PTPRD: variants seen among roughly 807,000 people sequenced by gnomAD.
PTPRD encodes the protein receptor-type tyrosine-protein phosphatase delta.
PTPRD carries 34 observed loss-of-function variants against 214.5 expected under a neutral mutation model. The observed-to-expected ratio is 0.16, with a 90% CI of 0.12 to 0.21. The LOEUF (loss-of-function observed/expected upper bound fraction) is 0.21, where lower values mean the gene tolerates loss of function less well. Among genes scored for constraint, PTPRD ranks in the 10% least tolerant of loss-of-function variants. The pLI is 1.00. For missense variants in PTPRD, 2,545 were observed against 2,398.7 expected (o/e 1.06, Z -1.27); for synonymous variants, 1,128 against 845.7 (o/e 1.33, Z -5.79).
At chr9:8,555,294 C>T (rs1406637244) in intron 14 of PTPRD, among the ~76,000 whole-genome samples, 1 of 152,132 alleles carries the variant, frequency 6.6e-6, no homozygotes, top group Non-Finnish European at 1.5e-5. Flanking sequence ...GTGGTCCCAG[C>T]TACTCAGGAG....
intron 12 of PTPRD, among the ~76,000 whole-genome samples, chr9:8,711,071 T>C (rs931502009): frequency 4.6e-5 from 7 of 152,144 alleles, no homozygotes; most frequent in African/African-American, 1.7e-4. Flanking sequence ...GTCCAATTTA[T>C]AGTAACATTT....
At chr9:9,966,405 T>C (rs1228716747) in intron 4 of PTPRD, among the ~76,000 whole-genome samples, 1 of 152,158 alleles carries the variant, frequency 6.6e-6, no homozygotes, top group Non-Finnish European at 1.5e-5. Flanking sequence ...AAACTGTTTC[T>C]AAGGTAGGCG....
At chr9:10,210,156 G>C (rs1275628272) in intron 3 of PTPRD, among the ~76,000 whole-genome samples, 1 of 152,088 alleles carries the variant, frequency 6.6e-6, no homozygotes, top group Non-Finnish European at 1.5e-5. Flanking sequence ...CTTTATGCCA[G>C]CTATTAAAAT....
At chr9:9,606,801 C>T (rs553480178) in intron 7 of PTPRD, among the ~76,000 whole-genome samples, 1 of 151,346 alleles carries the variant, frequency 6.6e-6, no homozygotes, top group African/African-American at 2.4e-5. Flanking sequence ...TTTCTTAGCA[C>T]CTAAGACAAT....
intron 5 of PTPRD, among the ~76,000 whole-genome samples, chr9:9,868,708 T>TAATAATATA (rs1308045580): frequency 1.3e-4 from 19 of 149,060 alleles, no homozygotes; most frequent in Admixed American, 1.2e-3. Flanking sequence ...AGGAATATCC[T>TAATAATATA]AATAATATAC....
At chr9:9,668,547 C>A (rs542528559) in intron 7 of PTPRD, among the ~76,000 whole-genome samples, 1 of 151,970 alleles carries the variant, frequency 6.6e-6, no homozygotes, top group East Asian at 1.9e-4. Flanking sequence ...TTTTTTTTCC[C>A]ACTGAAATTA....
chr9:8,527,312 G>A (rs1429127517), intron 16 of PTPRD, 33 bp downstream of exon 16: 2 of 1,597,502 alleles, frequency 1.3e-6, no homozygotes, highest in Non-Finnish European at 1.7e-6. Context: ...GAAATTAGTG[G>A]GGTTGAAGTG....
At chr9:10,118,895 TA>T (rs869121861) in intron 3 of PTPRD, among the ~76,000 whole-genome samples, 6 of 139,170 alleles carry the variant, frequency 4.3e-5, no homozygotes, top group Admixed American at 3.7e-4. Context: ...AATAAATAAA[TA>T]AATAATAATA....
At chr9:10,073,243 G>C (rs572773410) in intron 3 of PTPRD, among the ~76,000 whole-genome samples, 1 of 152,092 alleles carries the variant, frequency 6.6e-6, no homozygotes, top group East Asian at 1.9e-4. Context: ...TGGAATGCAG[G>C]CTGTAACATA....
intron 10 of PTPRD, among the ~76,000 whole-genome samples, chr9:9,150,337 T>G (rs2099875605): frequency 6.6e-6 from 1 of 151,314 alleles, no homozygotes; most frequent in South Asian, 2.1e-4. Flanking sequence ...AGCGTAGGGT[T>G]GGGGGATATA....
chr9:9,955,758 C>G (rs531082869), intron 4 of PTPRD, among the ~76,000 whole-genome samples: 31 of 152,210 alleles, frequency 2.0e-4, no homozygotes, highest in South Asian at 4.1e-4. Context: ...CTCCTGACCT[C>G]GTGATAGCCC....
In PTPRD at chr9:10,554,051, C is replaced by A. The variant is rs191227671; in HGVS notation, c.-600+58347G>T. Reference sequence around the variant, plus strand: ...GTTTGACCTGATTTCCATACAAGAACATCACAAAGTTACATTTCTTAATCT... The same window carrying A: ...GTTTGACCTGATTTCCATACAAGAAAATCACAAAGTTACATTTCTTAATCT... On this transcript the variant is annotated intron_variant, in intron 2 of 45. Coordinates refer to ENST00000381196, the MANE Select transcript of PTPRD (RefSeq NM_002839.4). Among the ~76,000 whole-genome samples, 163 of 152,240 alleles carry A rather than the reference C, an allele frequency of 1.1e-3. 1 individual carries two copies. The highest frequency in any genetic ancestry group is 3.5e-3 in the African/African-American group (144 of 41,572).
intron 3 of PTPRD, among the ~76,000 whole-genome samples, chr9:10,339,808 A>C (rs2096906744): frequency 6.6e-6 from 1 of 151,686 alleles, no homozygotes; most frequent in Admixed American, 6.6e-5. Flanking sequence ...TAGAACCAAC[A>C]AACAACAATA....
At chr9:9,553,284 T>C (rs946294043) in intron 8 of PTPRD, among the ~76,000 whole-genome samples, 1 of 152,244 alleles carries the variant, frequency 6.6e-6, no homozygotes, top group Non-Finnish European at 1.5e-5. Context: ...TTAATATTTA[T>C]TGAATGAATG....
chr9:8,504,498 G>A, intron 22 of PTPRD, 93 bp from the exon 23 acceptor site: 1 of 1,400,238 alleles, frequency 7.1e-7, no homozygotes, highest in South Asian at 1.3e-5. Flanking sequence ...TCTATCATCA[G>A]GATTATAATC....
intron 3 of PTPRD, among the ~76,000 whole-genome samples, chr9:10,131,230 G>A (rs1011300333): frequency 9.2e-5 from 14 of 152,106 alleles, no homozygotes; most frequent in African/African-American, 3.1e-4. Flanking sequence ...CAATTAGAGA[G>A]TCAAAGCTCT....
intron 8 of PTPRD, among the ~76,000 whole-genome samples, chr9:9,499,676 T>G (rs1007553605): frequency 5.3e-5 from 8 of 152,038 alleles, no homozygotes; most frequent in African/African-American, 1.7e-4. Context: ...ACAGCCTGTT[T>G]CTTCTCACAG....
At chr9:8,678,530 A>T (rs1371570057) in intron 12 of PTPRD, among the ~76,000 whole-genome samples, 1 of 152,170 alleles carries the variant, frequency 6.6e-6, no homozygotes, top group Non-Finnish European at 1.5e-5. Context: ...AAGTTTAACG[A>T]GGGCAAAAGA....
chr9:10,365,545 T>A (rs1341806418), intron 2 of PTPRD, among the ~76,000 whole-genome samples: 2 of 152,206 alleles, frequency 1.3e-5, no homozygotes, highest in African/African-American at 4.8e-5. Context: ...TCAAGTAGAA[T>A]GTACTTTATC....
Sources: allele counts gnomAD v4.1 joint callset (sites outside exome capture counted in the v4.1 genomes callset), GRCh38; gene constraint gnomAD v4.1.1; transcripts MANE v1.5; gene names NCBI Gene and HGNC (gene_info 2026-07-23, HGNC 2026-07-21).